The following GLG1 variants were observed in gnomAD, a reference collection of about 807,000 sequenced individuals.
GLG1 encodes the protein Golgi apparatus protein 1.
Under a neutral mutation model 160.5 loss-of-function variants are expected in GLG1, and 38 were observed. That is an observed-to-expected ratio of 0.24 (90% CI 0.18 to 0.31). The LOEUF (loss-of-function observed/expected upper bound fraction) is 0.31, where lower values mean the gene tolerates loss of function less well. Among genes scored for constraint, GLG1 ranks in the 10% least tolerant of loss-of-function variants. The probability of loss-of-function intolerance (pLI) is 1.00; values close to 1 mark genes in which losing one functional copy is unlikely to be tolerated. For missense variants in GLG1, 1,373 were observed against 1,505.2 expected (o/e 0.91, Z 1.45); for synonymous variants, 644 against 543.4 (o/e 1.19, Z -2.57).
At chr16:74,573,582 T>C (rs1395400835) in intron 1 of GLG1, among the ~76,000 whole-genome samples, 2 of 11,404 alleles carry the variant, frequency 1.8e-4, no homozygotes, top group African/African-American at 1.6e-3. Context: ...TTATCTTGCC[T>C]TTTTTTTTTT....
chr16:74,569,962 C>T (rs1157298236), intron 1 of GLG1, among the ~76,000 whole-genome samples: 1 of 149,414 alleles, frequency 6.7e-6, no homozygotes, highest in Non-Finnish European at 1.5e-5. Context: ...GCCAGTGGAT[C>T]GCTTGAGCCC....
chr16:74,577,493 C>T (rs547470200), intron 1 of GLG1, among the ~76,000 whole-genome samples: 6 of 148,656 alleles, frequency 4.0e-5, no homozygotes, highest in Admixed American at 1.4e-4. Flanking sequence ...TTGCACTCCA[C>T]CCTGAGAAAC....
In GLG1 at chr16:74,493,117, G is replaced by A; in HGVS notation, c.1074C>T (p.Arg358=). 1 of 1,612,650 alleles carries A rather than the reference G, an allele frequency of 6.2e-7. No individual in the cohort carries two copies. Among genetic ancestry groups the A allele is most frequent in the Middle Eastern group, 1.7e-4 (1 of 6,052 alleles). The part of the protein sequence containing the change: ...SEKCREALTT[R]QKLIAQDYKV... ...TATAATCCTGGGCAATCAGCTTTTGGCGGGTTGTAAGTGCTTCTCGACACT... is the reference window on the plus strand; with the variant it reads ...TATAATCCTGGGCAATCAGCTTTTGACGGGTTGTAAGTGCTTCTCGACACT... Residue 358 remains arginine, a synonymous_variant, in exon 7 of 26, where the codon CGC becomes CGT. Transcript: ENST00000422840.
At chr16:74,588,492 C>A (rs1045386095) in intron 1 of GLG1, among the ~76,000 whole-genome samples, 2 of 152,058 alleles carry the variant, frequency 1.3e-5, no homozygotes, top group East Asian at 3.9e-4. Flanking sequence ...CATTCTGTTG[C>A]CACTGCAGCC....
chr16:74,585,136 AGTG>A (rs1454032411), intron 1 of GLG1, among the ~76,000 whole-genome samples: 1 of 486 alleles, frequency 2.1e-3, no homozygotes, highest in East Asian at 0.042. Flanking sequence ...AGGCACAGTG[AGTG>A]ACTCATGTCT....
rs765050889 is a variant in GLG1 at position 74,462,213 on chromosome 16, A to T, written c.2935-18T>A. On this transcript the variant is annotated intron_variant, in intron 21 of 25. Coordinates refer to ENST00000422840, the MANE Select transcript of GLG1 (RefSeq NM_001145667.2). ...GACAGGCGCTGCATGTGACAAAGGG[A>T]GGATACATGGGCTGATCAGAAAACG... The T allele has an allele frequency of 1.5e-6, 2 of 1,345,336 alleles. No individual in the cohort carries two copies. Among genetic ancestry groups the T allele is most frequent in the South Asian group, 1.2e-5 (1 of 85,220 alleles). 83.3% of individuals were successfully genotyped at this position (1,345,336 alleles called of 1,614,324 possible). A position where few individuals can be genotyped will look rare whatever the true frequency, so the allele number is the denominator to read the frequency against.
chr16:74,483,347 G>C (rs559120326), intron 9 of GLG1, among the ~76,000 whole-genome samples: 1 of 152,324 alleles, frequency 6.6e-6, no homozygotes, highest in Middle Eastern at 3.4e-3. Context: ...CACAAGGGCA[G>C]TGTGCAGCTG....
chr16:74,507,922 A>G (rs1375764308), intron 3 of GLG1, among the ~76,000 whole-genome samples: 1 of 152,186 alleles, frequency 6.6e-6, no homozygotes, highest in Non-Finnish European at 1.5e-5. Flanking sequence ...GAGATGTAGA[A>G]TATTAAAGCT....
At chr16:74,569,389 T>C (rs1196982526) in intron 1 of GLG1, among the ~76,000 whole-genome samples, 2 of 152,252 alleles carry the variant, frequency 1.3e-5, no homozygotes, top group Non-Finnish European at 2.9e-5. Flanking sequence ...ATTTATTCTA[T>C]GTTTCCTTGG....
Position 74,453,847 on chromosome 16 carries a change from G to A in GLG1, c.3373-513C>T, listed in dbSNP as rs116118825. Among the ~76,000 whole-genome samples, 441 of 150,294 alleles carry A rather than the reference G, an allele frequency of 2.9e-3. 4 individuals carry two copies. Among genetic ancestry groups the A allele is most frequent in the African/African-American group, 0.01 (414 of 40,894 alleles). ...AAAAACAAAGATAAAAGTTGACATC[G>A]TTTTACATATTCTATATTTTGTAAA... is the stretch of plus-strand genomic sequence containing the variant. On this transcript the variant is annotated intron_variant, in intron 25 of 25. Transcript: ENST00000422840.
At chr16:74,532,390 A>G (rs1292241428) in intron 1 of GLG1, among the ~76,000 whole-genome samples, 12 of 152,142 alleles carry the variant, frequency 7.9e-5, no homozygotes, top group Admixed American at 2.0e-4. Context: ...CGATGGTGCA[A>G]TGTGAAGATG....
intron 1 of GLG1, among the ~76,000 whole-genome samples, chr16:74,546,690 T>C (rs1327051152): frequency 1.3e-5 from 2 of 151,226 alleles, no homozygotes; most frequent in Non-Finnish European, 3.0e-5. Flanking sequence ...ATACAAAAGT[T>C]AGCCAGGCGT....
At chr16:74,501,367 G>T (rs1420902429) in intron 4 of GLG1, among the ~76,000 whole-genome samples, 1 of 152,094 alleles carries the variant, frequency 6.6e-6, no homozygotes, top group Non-Finnish European at 1.5e-5. Flanking sequence ...TCACCCAACT[G>T]GTAGACATAC....
intron 10 of GLG1, among the ~76,000 whole-genome samples, chr16:74,482,499 TCTC>T (rs1186191757): frequency 6.6e-6 from 1 of 151,910 alleles, no homozygotes; most frequent in Non-Finnish European, 1.5e-5. Context: ...TACGGATCCT[TCTC>T]CTAGTTCATC....
chr16:74,519,456 A>C (rs1324348903), intron 2 of GLG1, among the ~76,000 whole-genome samples: 1 of 152,102 alleles, frequency 6.6e-6, no homozygotes, highest in East Asian at 1.9e-4. Context: ...TACGTTCTGC[A>C]TATGTAACCC....
intron 10 of GLG1, among the ~76,000 whole-genome samples, chr16:74,481,280 ACT>A (rs1177355880): frequency 2.0e-5 from 3 of 152,048 alleles, no homozygotes; most frequent in African/African-American, 7.2e-5. Flanking sequence ...TTGACATTTA[ACT>A]CTGAATCTGG....
At chr16:74,585,784 C>T (rs1228165501) in intron 1 of GLG1, among the ~76,000 whole-genome samples, 5 of 151,620 alleles carry the variant, frequency 3.3e-5, no homozygotes, top group Admixed American at 1.3e-4. Context: ...AAGATTTGGC[C>T]GGATGAGGTG....
chr16:74,562,412 C>T (rs747133837), intron 1 of GLG1, among the ~76,000 whole-genome samples: 1 of 152,164 alleles, frequency 6.6e-6, no homozygotes, highest in Non-Finnish European at 1.5e-5. Context: ...ATGCTGCAAG[C>T]CTTTAATGCA....
At chr16:74,549,524 G>A (rs909300178) in intron 1 of GLG1, among the ~76,000 whole-genome samples, 9 of 152,176 alleles carry the variant, frequency 5.9e-5, no homozygotes, top group African/African-American at 2.2e-4. Flanking sequence ...CTGACCTCGT[G>A]ATCCGCCCGC....
Sources: allele counts gnomAD v4.1 joint callset (sites outside exome capture counted in the v4.1 genomes callset), GRCh38; gene constraint gnomAD v4.1.1; transcripts MANE v1.5; gene names NCBI Gene and HGNC (gene_info 2026-07-23, HGNC 2026-07-21).